The following RAB30 variants were observed in gnomAD, a reference collection of about 807,000 sequenced individuals.
RAB30 encodes the protein ras-related protein Rab-30.
A neutral mutation model predicts 25.1 loss-of-function variants in RAB30; 9 were observed. That is an observed-to-expected ratio of 0.36 (90% CI 0.22 to 0.63). The LOEUF (loss-of-function observed/expected upper bound fraction) is 0.63, where lower values mean the gene tolerates loss of function less well. Ranked by LOEUF, RAB30 falls within the 20% of genes least tolerant of loss-of-function variation. RAB30 has a pLI of 0.69. For missense variants in RAB30, 140 were observed against 243.5 expected, an observed-to-expected ratio of 0.58 and a Z score of 2.83; for synonymous variants, 77 against 86.4, an observed-to-expected ratio of 0.89 and a Z score of 0.60.
In RAB30 at chr11:82,982,180, A is replaced by G. The variant is rs145192420; in HGVS notation, c.597T>C (p.Cys199=). 3.7e-6 allele frequency: 6 copies of G among 1,614,072 alleles called. No individual in the cohort carries two copies. In the African/African-American group the frequency reaches 8.0e-5, roughly 22 times the overall value. The change falls in exon 5 of 5, where the codon TGT becomes TGC. Residue 199 remains cysteine, a synonymous_variant. Coordinates refer to ENST00000527633, the MANE Select transcript of RAB30 (RefSeq NM_001286060.2). The part of the protein sequence containing the change: ...GEGKSISYLT[C]CNFN The stretch of plus-strand genomic sequence containing the variant: ...GCCTCAGCCTTTAGTTGAAATTACA[A>G]CAAGTCAAATAGCTGATGCTTTTCC...
At chr11:82,984,702 A>G (rs2121434687) in intron 4 of RAB30, among the ~76,000 whole-genome samples, 1 of 152,336 alleles carries the variant, frequency 6.6e-6, no homozygotes, top group Non-Finnish European at 1.5e-5. Flanking sequence ...GCCCATCAGG[A>G]GGGCTCCTAA....
At chr11:83,061,332 T>C (rs1858571207) in intron 1 of RAB30, among the ~76,000 whole-genome samples, 1 of 152,106 alleles carries the variant, frequency 6.6e-6, no homozygotes, top group Non-Finnish European at 1.5e-5. Flanking sequence ...ATATGCTACA[T>C]TAAAGGAAAC....
chr11:82,999,776 C>T (rs544968238), intron 1 of RAB30, among the ~76,000 whole-genome samples: 1 of 152,226 alleles, frequency 6.6e-6, no homozygotes, highest in South Asian at 2.1e-4. Flanking sequence ...TCAGCTTCAA[C>T]ATGACTTCCT....
At chr11:83,042,550 C>A (rs923538434) in intron 1 of RAB30, among the ~76,000 whole-genome samples, 1 of 152,032 alleles carries the variant, frequency 6.6e-6, no homozygotes, top group African/African-American at 2.4e-5. Context: ...GAGACTCCAT[C>A]TCCAAAAAAA....
intron 1 of RAB30, among the ~76,000 whole-genome samples, chr11:83,031,368 A>G (rs1398828146): frequency 6.6e-6 from 1 of 152,194 alleles, no homozygotes; most frequent in Non-Finnish European, 1.5e-5. Flanking sequence ...AATGTTCTAC[A>G]TTCTAAATTT....
At chr11:82,988,880 G>T (rs1235961949) in intron 3 of RAB30, among the ~76,000 whole-genome samples, 1 of 151,652 alleles carries the variant, frequency 6.6e-6, no homozygotes, top group Non-Finnish European at 1.5e-5. Context: ...TTCAGATTAG[G>T]CTAGGTTCCC....
intron 1 of RAB30, among the ~76,000 whole-genome samples, chr11:83,031,285 T>A (rs1281222676): frequency 6.6e-6 from 1 of 152,266 alleles, no homozygotes; most frequent in Non-Finnish European, 1.5e-5. Flanking sequence ...CATCTGGTTA[T>A]AATTCTTAAG....
At chr11:83,039,405 G>A (rs762949636) in intron 1 of RAB30, among the ~76,000 whole-genome samples, 5 of 152,168 alleles carry the variant, frequency 3.3e-5, no homozygotes, top group African/African-American at 7.2e-5. Flanking sequence ...TCAGCTAAGC[G>A]CAGTGGCTCC....
intron 1 of RAB30, among the ~76,000 whole-genome samples, chr11:83,040,592 CAAAA>C (rs35973192): frequency 8.3e-6 from 1 of 121,080 alleles, no homozygotes. Flanking sequence ...AACTCTGTCT[CAAAA>C]AAAAAAAAAA....
intron 1 of RAB30, among the ~76,000 whole-genome samples, chr11:83,017,895 A>G (rs1179783824): frequency 6.6e-6 from 1 of 152,240 alleles, no homozygotes; most frequent in Non-Finnish European, 1.5e-5. Flanking sequence ...GTAGATACCC[A>G]GTAGTGGCAT....
intron 1 of RAB30, among the ~76,000 whole-genome samples, chr11:83,050,346 C>G (rs917383025): frequency 6.6e-6 from 1 of 152,142 alleles, no homozygotes; most frequent in African/African-American, 2.4e-5. Flanking sequence ...GCTCCCCTTA[C>G]TACCCACACT....
intron 1 of RAB30, among the ~76,000 whole-genome samples, chr11:83,013,917 C>T (rs1262252869): frequency 2.0e-5 from 3 of 152,196 alleles, no homozygotes; most frequent in African/African-American, 7.2e-5. Context: ...AATGCAAGTC[C>T]TCAACAACTC....
intron 1 of RAB30, among the ~76,000 whole-genome samples, chr11:83,009,879 G>A (rs1857268043): frequency 6.6e-6 from 1 of 152,150 alleles, no homozygotes; most frequent in African/African-American, 2.4e-5. Flanking sequence ...TTCTGCTTCT[G>A]GGAATTTTCC....
intron 3 of RAB30, among the ~76,000 whole-genome samples, chr11:82,990,435 A>G (rs527357398): frequency 1.3e-5 from 2 of 152,364 alleles, no homozygotes; most frequent in African/African-American, 4.8e-5. Context: ...ATTAAAGAAG[A>G]TTTCACAGAT....
In RAB30 at chr11:82,994,045, T is replaced by C; in HGVS notation, c.171A>G (p.Lys57=). ...MIKTVEINGE[K]VKLQIWDTAG... is the part of the protein sequence containing the mutation. ...TGAATATTTAGCACCTTACCTTTAC[T>C]TTTTCACCATTAATCTCCACTGTCT... Residue 57 remains lysine (K), a synonymous_variant, in exon 3 of 5, where the codon AAA becomes AAG. Transcript: ENST00000527633. The C allele has an allele frequency of 6.2e-7, 1 of 1,606,458 alleles. No homozygotes were observed. Among genetic ancestry groups the C allele is most frequent in the Non-Finnish European group, 8.5e-7 (1 of 1,173,146 alleles).
intron 4 of RAB30, among the ~76,000 whole-genome samples, chr11:82,984,634 A>G (rs1314660532): frequency 6.6e-6 from 1 of 152,192 alleles, no homozygotes; most frequent in African/African-American, 2.4e-5. Flanking sequence ...TACAGAATCC[A>G]CCACACACAT....
At position 83,051,696 on chromosome 11, in the gene RAB30, AC is replaced by A. The variant is rs1411678464; in HGVS notation, c.-9+19994del. Among the ~76,000 whole-genome samples the A allele has an allele frequency of 5.9e-4, 89 of 151,882 alleles. 1 individual carries two copies. The highest frequency in any genetic ancestry group is 2.1e-3 in the African/African-American group (86 of 41,342). On this transcript the variant is annotated intron_variant, in intron 1 of 4. Coordinates refer to ENST00000527633, the MANE Select transcript of RAB30 (RefSeq NM_001286060.2). ...AAGCACTTACAGTTAAAAAAAAAAA[AC>A]AAAAACCCTCTTCCCCACCCTCATT...
intron 2 of RAB30, among the ~76,000 whole-genome samples, chr11:82,995,892 T>A (rs936508559): frequency 6.6e-6 from 1 of 152,200 alleles, no homozygotes; most frequent in Non-Finnish European, 1.5e-5. Flanking sequence ...AGAGGTGGGT[T>A]GAATAATCTC....
intron 1 of RAB30, among the ~76,000 whole-genome samples, chr11:83,010,482 T>C (rs1857279764): frequency 1.3e-5 from 2 of 152,236 alleles, no homozygotes; most frequent in East Asian, 3.9e-4. Flanking sequence ...TAGAAGGAAA[T>C]AAATTTTTAA....
Sources: gnomAD v4.1 joint callset for allele counts (sites outside exome capture counted in the v4.1 genomes callset) on GRCh38, gnomAD v4.1.1 for gene constraint, MANE v1.5 for transcripts, NCBI Gene and HGNC (gene_info 2026-07-23, HGNC 2026-07-21) for gene names.